PDE1A: variants seen among roughly 807,000 people sequenced by gnomAD.
The protein encoded by PDE1A is dual specificity calcium/calmodulin-dependent 3',5'-cyclic nucleotide phosphodiesterase 1A.
In PDE1A, 35 loss-of-function variants were observed where a neutral mutation model predicts 61.7. The ratio of observed to expected loss-of-function variants is 0.57; its 90% CI spans 0.43 to 0.75. The LOEUF (loss-of-function observed/expected upper bound fraction) is 0.75. Ranked by LOEUF, PDE1A falls within the 30% of genes least tolerant of loss-of-function variation. PDE1A has a pLI of 0.00. For synonymous variants in PDE1A, 232 were observed against 213.2 expected (o/e 1.09, Z -0.77); for missense variants, 597 against 630.6 (o/e 0.95, Z 0.57).
At chr2:182,621,370 T>G in the PDE1A span, among the ~76,000 whole-genome samples, 1 of 152,202 alleles carries the variant, frequency 6.6e-6, no homozygotes, top group African/African-American at 2.4e-5. Flanking sequence ...TCAAATGTTT[T>G]TGCTTCAAAG....
At chr2:182,526,684 T>C (rs1690778042), upstream of PDE1A, among the ~76,000 whole-genome samples, 1 of 152,208 alleles carries the variant, frequency 6.6e-6, no homozygotes, top group African/African-American at 2.4e-5. Flanking sequence ...AAACTTAAAA[T>C]GATCTTGGGT....
At position 182,438,556 on chromosome 2, in the gene PDE1A, T is replaced by A. The variant is rs189674787; in HGVS notation, c.101+83720A>T. Among the ~76,000 whole-genome samples the A allele has an allele frequency of 4.6e-5, 7 of 152,112 alleles. No individual in the cohort carries two copies. The East Asian group carries it at 1.4e-3, about 29-fold the overall frequency. On this transcript the variant is annotated intron_variant, in intron 2 of 14. Transcript: ENST00000410103. ...GAAATTATGCTGTTTTAGCAAGGTT[T>A]AGCCAGTGCTTGGAAGTTCATCAGG...
chr2:182,234,937 AG>A (rs1425960551), intron 3 of PDE1A, among the ~76,000 whole-genome samples: 2 of 152,196 alleles, frequency 1.3e-5, no homozygotes, highest in Non-Finnish European at 2.9e-5. Context: ...AAAATTATAG[AG>A]GGGGATATGT....
At chr2:182,201,029 C>T (rs1441111331) in intron 10 of PDE1A, among the ~76,000 whole-genome samples, 4 of 152,106 alleles carry the variant, frequency 2.6e-5, no homozygotes, top group Admixed American at 2.6e-4. Flanking sequence ...CATGTGTCCA[C>T]CCAGCTAAAG....
At chr2:182,234,446 T>A in exon 4 of PDE1A, 1 of 1,606,258 alleles carries the variant, frequency 6.2e-7, no homozygotes, top group Admixed American at 1.7e-5. Flanking sequence ...AATGTTACGA[T>A]GACAGCTGCT....
At chr2:182,266,867 C>T (rs1043711757) in intron 1 of PDE1A, among the ~76,000 whole-genome samples, 2 of 152,076 alleles carry the variant, frequency 1.3e-5, no homozygotes, top group African/African-American at 4.8e-5. Context: ...ATGGAAGTGG[C>T]CTGGATATCA....
At chr2:182,238,738 C>A (rs928354953) in intron 3 of PDE1A, among the ~76,000 whole-genome samples, 1 of 152,064 alleles carries the variant, frequency 6.6e-6, no homozygotes, top group Non-Finnish European at 1.5e-5. Context: ...ATTTAGTTAC[C>A]TGAAGAACAA....
At chr2:182,568,070 A>G in the PDE1A span, among the ~76,000 whole-genome samples, 2 of 152,036 alleles carry the variant, frequency 1.3e-5, no homozygotes, top group Non-Finnish European at 2.9e-5. Context: ...AAGTGCTAGG[A>G]TTACAGGTGC....
At chr2:182,693,326 A>C in the PDE1A span, among the ~76,000 whole-genome samples, 1 of 152,192 alleles carries the variant, frequency 6.6e-6, no homozygotes, top group African/African-American at 2.4e-5. Flanking sequence ...CACAAATATC[A>C]TATCATTTTA....
chr2:182,247,691 A>C (rs1239680606), intron 2 of PDE1A, among the ~76,000 whole-genome samples: 3 of 152,212 alleles, frequency 2.0e-5, no homozygotes, highest in African/African-American at 4.8e-5. Flanking sequence ...GTCATCCTGT[A>C]CTTTTTCACC....
At chr2:182,544,945 G>A in the PDE1A span, among the ~76,000 whole-genome samples, 13 of 151,946 alleles carry the variant, frequency 8.6e-5, no homozygotes, top group Non-Finnish European at 1.6e-4. Flanking sequence ...CAATAATCAC[G>A]TCTCATTTTA....
chr2:182,166,450 G>A (rs1303899619), downstream of PDE1A, among the ~76,000 whole-genome samples: 2 of 152,152 alleles, frequency 1.3e-5, no homozygotes, highest in African/African-American at 4.8e-5. Flanking sequence ...TCAGCTCCAG[G>A]TTCTCAACCT....
At chr2:182,649,705 G>A in the PDE1A span, among the ~76,000 whole-genome samples, 1 of 152,026 alleles carries the variant, frequency 6.6e-6, no homozygotes, top group East Asian at 1.9e-4. Context: ...CTGCCTCCCA[G>A]GTTTAGGCAA....
At chr2:182,349,885 T>A (rs1399386866) in intron 1 of PDE1A, among the ~76,000 whole-genome samples, 2 of 152,128 alleles carry the variant, frequency 1.3e-5, no homozygotes, top group African/African-American at 4.8e-5. Context: ...GAATGCAAGA[T>A]TTTTTTACTA....
chr2:182,593,711 C>T, the PDE1A span, among the ~76,000 whole-genome samples: 1 of 152,274 alleles, frequency 6.6e-6, no homozygotes, highest in East Asian at 1.9e-4. Flanking sequence ...TTCTGTTTAC[C>T]TGTTTGTCTC....
downstream of PDE1A, chr2:182,142,915 GTTC>G (rs1280408237): frequency 3.9e-5 from 6 of 152,170 alleles, no homozygotes; most frequent in East Asian, 1.9e-4. Context: ...CAAAATTTAT[GTTC>G]TTCTTAATTC....
the PDE1A span, among the ~76,000 whole-genome samples, chr2:182,567,174 A>G: frequency 2.0e-4 from 30 of 152,312 alleles, no homozygotes; most frequent in East Asian, 5.2e-3. Flanking sequence ...TTGCTATAAC[A>G]TTACCATGAG....
chr2:182,621,089 C>T, the PDE1A span, among the ~76,000 whole-genome samples: 4 of 152,074 alleles, frequency 2.6e-5, no homozygotes, highest in African/African-American at 7.2e-5. Flanking sequence ...CCCCTTCTGC[C>T]GAGATGCATA....
intron 7 of PDE1A, among the ~76,000 whole-genome samples, chr2:182,218,863 A>C (rs1457264333): frequency 2.0e-5 from 3 of 152,064 alleles, no homozygotes; most frequent in East Asian, 3.9e-4. Context: ...ATTATAGTTT[A>C]AATGTGTTTA....
Sources: gnomAD v4.1 joint callset for allele counts (sites outside exome capture counted in the v4.1 genomes callset) on GRCh38, gnomAD v4.1.1 for gene constraint, MANE v1.5 for transcripts, NCBI Gene and HGNC (gene_info 2026-07-23, HGNC 2026-07-21) for gene names.